The following KHDRBS2 variants were observed in gnomAD, a reference collection of about 807,000 sequenced individuals.
KHDRBS2 encodes the protein KH domain-containing, RNA-binding, signal transduction-associated protein 2.
Under a neutral mutation model 44.3 loss-of-function variants are expected in KHDRBS2, and 26 were observed. The ratio of observed to expected loss-of-function variants is 0.59; its 90% CI spans 0.43 to 0.81. The LOEUF (loss-of-function observed/expected upper bound fraction) is 0.81. Ranked by LOEUF, KHDRBS2 falls within the 40% of genes least tolerant of loss-of-function variation. KHDRBS2 has a pLI of 0.00. For synonymous variants in KHDRBS2, 194 were observed against 151.1 expected, an observed-to-expected ratio of 1.28 and a Z score of -2.08; for missense variants, 476 against 433.1, an observed-to-expected ratio of 1.10 and a Z score of -0.88.
rs112658141 is a variant in KHDRBS2 at position 61,727,486 on chromosome 6, C to G, written c.893+5196G>C. Among the ~76,000 whole-genome samples, 272 of 152,076 alleles carry G rather than the reference C, an allele frequency of 1.8e-3. 1 individual carries two copies. The highest frequency in any genetic ancestry group is 5.6e-3 in the African/African-American group (234 of 41,502). On this transcript the variant is annotated intron_variant, in intron 7 of 8. Coordinates refer to ENST00000281156, the MANE Select transcript of KHDRBS2 (RefSeq NM_152688.4). ...CAAAATAAACTATCATCAGAACGAA[C>G]AGAATGGAAGAAAAATTCTACAGAA...
chr6:61,615,653 A>C, the KHDRBS2 span, among the ~76,000 whole-genome samples: 29,376 of 152,136 alleles, frequency 0.19, 2,982 homozygotes, highest in African/African-American at 0.23. Flanking sequence ...AAGTGTTCCG[A>C]ATTTGAAACA....
At chr6:62,212,794 CT>C (rs1249514331) in intron 1 of KHDRBS2, among the ~76,000 whole-genome samples, 1 of 152,082 alleles carries the variant, frequency 6.6e-6, no homozygotes, top group East Asian at 1.9e-4. Context: ...GCCTCCAGAA[CT>C]GTAATACAAT....
intron 3 of KHDRBS2, among the ~76,000 whole-genome samples, chr6:62,018,483 G>A (rs1781656339): frequency 6.6e-6 from 1 of 152,042 alleles, no homozygotes; most frequent in Non-Finnish European, 1.5e-5. Flanking sequence ...GAGTAGCTGG[G>A]ACTACAGGCG....
the KHDRBS2 span, among the ~76,000 whole-genome samples, chr6:61,627,014 G>A: frequency 1.7e-4 from 26 of 152,174 alleles, 1 homozygote; most frequent in African/African-American, 5.8e-4. Context: ...AGCACTTTGG[G>A]AGGCCGAGGC....
At chr6:62,081,188 T>C (rs1277897080) in intron 2 of KHDRBS2, among the ~76,000 whole-genome samples, 1 of 152,100 alleles carries the variant, frequency 6.6e-6, no homozygotes, top group Non-Finnish European at 1.5e-5. Context: ...GGCTTATATA[T>C]GTAATAGATG....
intron 1 of KHDRBS2, among the ~76,000 whole-genome samples, chr6:62,281,177 AG>A (rs1841744049): frequency 6.6e-6 from 1 of 151,834 alleles, no homozygotes; most frequent in African/African-American, 2.4e-5. Context: ...CTTTTTCATA[AG>A]GTAATTTATT....
At chr6:62,060,687 G>A (rs1255238371) in intron 2 of KHDRBS2, among the ~76,000 whole-genome samples, 1 of 149,868 alleles carries the variant, frequency 6.7e-6, no homozygotes, top group Non-Finnish European at 1.5e-5. Context: ...TCTACCACAA[G>A]TATTAAAAAC....
chr6:61,897,881 C>T (rs140890483), intron 5 of KHDRBS2, among the ~76,000 whole-genome samples: 2,235 of 152,104 alleles, frequency 0.015, 31 homozygotes, highest in Middle Eastern at 0.02. Context: ...CAAAATTTAC[C>T]CCGATGTTTC....
intron 6 of KHDRBS2, among the ~76,000 whole-genome samples, chr6:61,875,994 C>A (rs1461914055): frequency 6.6e-6 from 1 of 151,940 alleles, no homozygotes; most frequent in African/African-American, 2.4e-5. Flanking sequence ...ATATTTAAAA[C>A]AATGTCATAG....
In KHDRBS2 at chr6:62,093,847, T is replaced by G. The variant is rs1799969634; in HGVS notation, c.220-45853A>C. ...CATTCTTTGTTATGGTGAATAGTAT[T>G]CCATTGTTTTGTGTGTGTGTGTGTG... On this transcript the variant is annotated intron_variant, in intron 2 of 8. Coordinates refer to ENST00000281156, the MANE Select transcript of KHDRBS2 (RefSeq NM_152688.4). Among the ~76,000 whole-genome samples the G allele has an allele frequency of 2.2e-5, 3 of 136,312 alleles. No homozygotes were observed. In the South Asian group the frequency reaches 7.3e-4, roughly 33 times the overall value. The allele number at this position is 136,312 out of a possible 152,430, so 89.4% of individuals were successfully genotyped here. A position where few individuals can be genotyped will look rare whatever the true frequency, so the allele number is the denominator to read the frequency against.
At chr6:62,001,703 A>T (rs924517661) in intron 3 of KHDRBS2, among the ~76,000 whole-genome samples, 6 of 152,162 alleles carry the variant, frequency 3.9e-5, no homozygotes, top group African/African-American at 1.4e-4. Flanking sequence ...TGAACAGACG[A>T]ATTTGGTCTT....
chr6:62,168,974 G>A (rs188865468), intron 2 of KHDRBS2, among the ~76,000 whole-genome samples: 1 of 143,628 alleles, frequency 7.0e-6, no homozygotes, highest in African/African-American at 2.6e-5. Context: ...ATTCAACAAT[G>A]AAACATAGTA....
chr6:62,189,182 G>T (rs1404456354), intron 1 of KHDRBS2, among the ~76,000 whole-genome samples: 1 of 151,866 alleles, frequency 6.6e-6, no homozygotes, highest in Non-Finnish European at 1.5e-5. Context: ...GGGAAGTCAG[G>T]TACCATGTCC....
chr6:62,106,763 C>T (rs1306432030), intron 2 of KHDRBS2, among the ~76,000 whole-genome samples: 1 of 152,116 alleles, frequency 6.6e-6, no homozygotes, highest in Non-Finnish European at 1.5e-5. Flanking sequence ...TGGGCTTCAT[C>T]CCTGGGATGC....
chr6:61,713,530 T>C (rs1477289843), intron 7 of KHDRBS2, among the ~76,000 whole-genome samples: 1 of 151,656 alleles, frequency 6.6e-6, no homozygotes, highest in Non-Finnish European at 1.5e-5. Context: ...ATATCTTCCT[T>C]ATCTATATCC....
intron 5 of KHDRBS2, among the ~76,000 whole-genome samples, chr6:61,896,145 A>G (rs571826495): frequency 2.0e-5 from 3 of 152,262 alleles, no homozygotes; most frequent in Non-Finnish European, 2.9e-5. Flanking sequence ...GGATGTAAAA[A>G]CCAATTTTGC....
At chr6:61,957,564 G>A (rs185521253) in intron 4 of KHDRBS2, among the ~76,000 whole-genome samples, 133 of 152,248 alleles carry the variant, frequency 8.7e-4, no homozygotes, top group African/African-American at 3.0e-3. Flanking sequence ...CCGGTCTCCC[G>A]TAGTGCTCCC....
intron 1 of KHDRBS2, among the ~76,000 whole-genome samples, chr6:62,271,632 A>T (rs1345408405): frequency 6.6e-6 from 1 of 152,070 alleles, no homozygotes; most frequent in Non-Finnish European, 1.5e-5. Flanking sequence ...GTAGGACAAG[A>T]TGTAGGGTGG....
chr6:61,554,501 C>T, the KHDRBS2 span, among the ~76,000 whole-genome samples: 1 of 152,142 alleles, frequency 6.6e-6, no homozygotes, highest in African/African-American at 2.4e-5. Context: ...GATATTTAGC[C>T]CATTTACATT....
Sources: allele counts gnomAD v4.1 joint callset (sites outside exome capture counted in the v4.1 genomes callset), GRCh38; gene constraint gnomAD v4.1.1; transcripts MANE v1.5; gene names NCBI Gene and HGNC (gene_info 2026-07-23, HGNC 2026-07-21).